Variants in TNFSF4 observed in about 807,000 individuals in gnomAD.
TNFSF4 encodes the protein tumor necrosis factor ligand superfamily member 4.
In TNFSF4, 4 loss-of-function variants were observed where a neutral mutation model predicts 7.3. The observed-to-expected ratio is 0.55, with a 90% CI of 0.27 to 1.25. The LOEUF is 1.25. Among genes scored for constraint, TNFSF4 ranks in the 50% most tolerant of loss-of-function variants. The pLI, the probability that TNFSF4 is intolerant of heterozygous loss-of-function variation, is 0.12. For missense variants in TNFSF4, 181 were observed against 208.8 expected, an observed-to-expected ratio of 0.87 and a Z score of 0.82; for synonymous variants, 76 against 83.7, an observed-to-expected ratio of 0.91 and a Z score of 0.50.
chr1:173,334,226 G>C, the TNFSF4 span, among the ~76,000 whole-genome samples: 1 of 152,008 alleles, frequency 6.6e-6, no homozygotes, highest in Non-Finnish European at 1.5e-5. Flanking sequence ...TATTTTTAGT[G>C]GTAAACAGAG....
chr1:173,214,029 G>A, the TNFSF4 span, among the ~76,000 whole-genome samples: 3 of 152,170 alleles, frequency 2.0e-5, no homozygotes, highest in Non-Finnish European at 2.9e-5. Flanking sequence ...AGCCTAAAAT[G>A]TCAAGAGTGC....
chr1:173,213,311 A>G, the TNFSF4 span, among the ~76,000 whole-genome samples: 10 of 151,950 alleles, frequency 6.6e-5, no homozygotes, highest in Admixed American at 6.5e-4. Flanking sequence ...TTTTTTTTAA[A>G]TCTTGACCAC....
the TNFSF4 span, among the ~76,000 whole-genome samples, chr1:173,224,248 G>A: frequency 6.6e-6 from 1 of 152,170 alleles, no homozygotes; most frequent in Non-Finnish European, 1.5e-5. Flanking sequence ...CTAGATGTAC[G>A]CTCAGGAATA....
At chr1:173,225,409 T>C in the TNFSF4 span, among the ~76,000 whole-genome samples, 1 of 152,236 alleles carries the variant, frequency 6.6e-6, no homozygotes, top group Non-Finnish European at 1.5e-5. Flanking sequence ...AACTTTCTTC[T>C]CCTCATTTTG....
chr1:173,418,901 C>T, the TNFSF4 span, among the ~76,000 whole-genome samples: 2 of 152,194 alleles, frequency 1.3e-5, no homozygotes, highest in African/African-American at 2.4e-5. Context: ...TGAATGTGAC[C>T]CCCAAATTTC....
Position 173,193,092 on chromosome 1 carries a change from T to TG in TNFSF4, c.154-4524dup, listed in dbSNP as rs1432800816. On this transcript the variant is annotated intron_variant, in intron 1 of 2. Coordinates refer to ENST00000281834, the MANE Select transcript of TNFSF4 (RefSeq NM_003326.5). ...TTATCATATCAGTGCTCTGACTCCC[T>TG]GTACCTCAGAGAAACAATACAAAAG... Among the ~76,000 whole-genome samples, 3 of 152,296 alleles carry TG rather than the reference T, an allele frequency of 2.0e-5. No individual in the cohort carries two copies. In the East Asian group the frequency reaches 5.8e-4, roughly 29 times the overall value.
chr1:173,374,459 G>T, the TNFSF4 span, among the ~76,000 whole-genome samples: 1 of 151,990 alleles, frequency 6.6e-6, no homozygotes, highest in Non-Finnish European at 1.5e-5. Flanking sequence ...TTAAACTTTG[G>T]ACACCCCCTG....
the TNFSF4 span, among the ~76,000 whole-genome samples, chr1:173,260,591 A>G: frequency 2.0e-5 from 3 of 152,196 alleles, no homozygotes; most frequent in African/African-American, 7.2e-5. Flanking sequence ...TGTATTCAAG[A>G]GACTCATCTC....
At chr1:173,243,274 C>T in the TNFSF4 span, among the ~76,000 whole-genome samples, 34 of 152,314 alleles carry the variant, frequency 2.2e-4, no homozygotes, top group African/African-American at 7.5e-4. Context: ...AAGGACCCAA[C>T]AGAAGCCAAC....
intron 1 of TNFSF4, among the ~76,000 whole-genome samples, chr1:173,193,686 CAAT>C (rs1649576532): frequency 6.7e-6 from 1 of 149,018 alleles, no homozygotes; most frequent in South Asian, 2.1e-4. Context: ...AGATGATTGG[CAAT>C]GACCTCATCA....
intron 1 of TNFSF4, among the ~76,000 whole-genome samples, chr1:173,197,879 T>A (rs910677022): frequency 6.6e-6 from 1 of 152,168 alleles, no homozygotes; most frequent in African/African-American, 2.4e-5. Flanking sequence ...CAATTGACCA[T>A]AAATGTGCAG....
At chr1:173,198,214 A>C (rs989540826) in intron 1 of TNFSF4, among the ~76,000 whole-genome samples, 2 of 152,188 alleles carry the variant, frequency 1.3e-5, no homozygotes, top group African/African-American at 4.8e-5. Flanking sequence ...GACTAGGCAC[A>C]CCTGAGTTCT....
chr1:173,374,613 GA>G, the TNFSF4 span, among the ~76,000 whole-genome samples: 1 of 152,118 alleles, frequency 6.6e-6, no homozygotes, highest in Non-Finnish European at 1.5e-5. Flanking sequence ...TGATTCTGAG[GA>G]AAAACCCCTT....
At chr1:173,312,599 T>A in the TNFSF4 span, among the ~76,000 whole-genome samples, 1 of 152,184 alleles carries the variant, frequency 6.6e-6, no homozygotes, top group African/African-American at 2.4e-5. Flanking sequence ...GGAAGCCAAA[T>A]AGATTTCCTA....
chr1:173,284,348 T>C, the TNFSF4 span, among the ~76,000 whole-genome samples: 5 of 152,160 alleles, frequency 3.3e-5, no homozygotes, highest in African/African-American at 1.2e-4. Context: ...TTGAGGTTCA[T>C]GAGGTTTAAG....
the TNFSF4 span, among the ~76,000 whole-genome samples, chr1:173,432,787 C>T: frequency 6.6e-6 from 1 of 151,916 alleles, no homozygotes; most frequent in Non-Finnish European, 1.5e-5. Flanking sequence ...TATAATCTAC[C>T]TTGTTCATGT....
the TNFSF4 span, among the ~76,000 whole-genome samples, chr1:173,378,931 G>C: frequency 1.3e-5 from 2 of 151,508 alleles, no homozygotes; most frequent in African/African-American, 4.8e-5. Flanking sequence ...AGGGGGAGGG[G>C]AATTTGGCCC....
the TNFSF4 span, among the ~76,000 whole-genome samples, chr1:173,328,522 A>T: frequency 6.6e-6 from 1 of 151,726 alleles, no homozygotes; most frequent in Non-Finnish European, 1.5e-5. Flanking sequence ...AAATAAAAAA[A>T]TACAAAGTTT....
At chr1:173,335,192 T>C in the TNFSF4 span, among the ~76,000 whole-genome samples, 3 of 150,448 alleles carry the variant, frequency 2.0e-5, no homozygotes, top group Non-Finnish European at 3.0e-5. Context: ...AGAGAGCAAG[T>C]TGGAAATGCC....
Sources: gnomAD v4.1 joint callset for allele counts (sites outside exome capture counted in the v4.1 genomes callset) on GRCh38, gnomAD v4.1.1 for gene constraint, MANE v1.5 for transcripts, NCBI Gene and HGNC (gene_info 2026-07-23, HGNC 2026-07-21) for gene names.